The following KCNG3 variants were observed in gnomAD, a reference collection of about 807,000 sequenced individuals.
KCNG3 encodes the protein potassium voltage-gated channel modifier subfamily G member 3, also known as voltage-gated potassium channel regulatory subunit KCNG3.
KCNG3 carries 15 observed loss-of-function variants against 29.0 expected under a neutral mutation model. That is an observed-to-expected ratio of 0.52 (90% CI 0.35 to 0.80). The LOEUF is 0.80. Ranked by LOEUF, KCNG3 falls within the 30% of genes least tolerant of loss-of-function variation. KCNG3 has a pLI of 0.01. For synonymous variants in KCNG3, 322 were observed against 248.9 expected (o/e 1.29, Z -2.76); for missense variants, 512 against 605.7 (o/e 0.85, Z 1.62).
At chr2:42,486,390 G>A (rs1391145249) in intron 1 of KCNG3, among the ~76,000 whole-genome samples, 1 of 152,216 alleles carries the variant, frequency 6.6e-6, no homozygotes, top group East Asian at 1.9e-4. Flanking sequence ...CACATCTGCT[G>A]TTGACCCTCC....
chr2:42,458,453 G>C (rs547018600), intron 1 of KCNG3, among the ~76,000 whole-genome samples: 1 of 151,818 alleles, frequency 6.6e-6, no homozygotes, highest in African/African-American at 2.4e-5. Flanking sequence ...TTGGGAAACA[G>C]GGACTGATGA....
chr2:42,444,223 G>A lies in KCNG3; in HGVS notation c.1022C>T (p.Ser341Phe), dbSNP rs372497614. The A allele has an allele frequency of 1.4e-5, 22 of 1,614,024 alleles. No homozygotes were observed. In the Admixed American group the frequency reaches 2.0e-4, roughly 15 times the overall value. Residue 341 changes from serine to phenylalanine, a missense_variant, in exon 2 of 2, where the codon TCT (serine) becomes TTT (phenylalanine). Physicochemically the swap from Ser to Phe is radical, Grantham distance 155. This residue lies in a region of KCNG3 where 173 missense variants were observed against 262.4 expected (regional missense o/e 0.66). Coordinates refer to ENST00000306078, the MANE Select transcript of KCNG3 (RefSeq NM_133329.6). The surrounding 1 kb of genome is among the most constrained non-coding windows in gnomAD (Gnocchi z 5.8). ...CVAMAIFSAL[S>F]QLLEHGLDLE... The stretch of plus-strand genomic sequence containing the variant: ...GTCCAGCCCATGTTCAAGAAGCTGA[G>A]AAAGTGCACTAAAGATTGCCATGGC...
chr2:42,487,713 T>G (rs984741435), intron 1 of KCNG3, among the ~76,000 whole-genome samples: 1 of 152,178 alleles, frequency 6.6e-6, no homozygotes, highest in African/African-American at 2.4e-5. Context: ...GAATTATCTG[T>G]GAAAATTACA....
At chr2:42,439,125 T>A (rs1672424297), downstream of KCNG3, among the ~76,000 whole-genome samples, 1 of 152,178 alleles carries the variant, frequency 6.6e-6, no homozygotes, top group South Asian at 2.1e-4. Flanking sequence ...GTACAGTAAT[T>A]TTTAAAATTC....
At position 42,493,302 on chromosome 2, in the gene KCNG3, G is replaced by A. The variant is rs758781598; in HGVS notation, c.200C>T (p.Ser67Leu). ...GAGCAGGATGAAGCCGAAGGCCTCC[G>A]AGTGCCGGTCGAAGAAGTACTCGTT... ...ERNEYFFDRH[S>L]EAFGFILLYV... The change falls in exon 1 of 2, where the codon TCG (serine) becomes TTG (leucine). Residue 67 changes from serine (S) to leucine (L), a missense_variant. By Grantham distance (145) the Ser-to-Leu change is moderately radical. Transcript: ENST00000306078. The A allele has an allele frequency of 6.2e-7, 1 of 1,611,180 alleles. No individual in the cohort carries two copies. Among genetic ancestry groups the A allele is most frequent in the Non-Finnish European group, 8.5e-7 (1 of 1,179,246 alleles).
At chr2:42,436,279 A>G in the KCNG3 span, among the ~76,000 whole-genome samples, 1 of 152,190 alleles carries the variant, frequency 6.6e-6, no homozygotes, top group Non-Finnish European at 1.5e-5. Flanking sequence ...AGGGTACATG[A>G]AAATGTTCTG....
chr2:42,412,407 C>CTT, the KCNG3 span, among the ~76,000 whole-genome samples: 1 of 152,098 alleles, frequency 6.6e-6, no homozygotes, highest in African/African-American at 2.4e-5. Context: ...ATTCAAGGTT[C>CTT]TTTAGTGTGA....
rs1417019556 is a variant in KCNG3 at position 42,444,727 on chromosome 2, A to G, written c.666-148T>C. On this transcript the variant is annotated intron_variant, in intron 1 of 1. Transcript: ENST00000306078. This position sits in a 1 kb window ranked among gnomAD's most constrained non-coding sequence, Gnocchi z 5.8. ...AACAGACAACATTAGCAACATCATC[A>G]GACCACCAGGATGCACGCAACAGAA... The G allele has an allele frequency of 4.3e-6, 3 of 697,580 alleles. No individual in the cohort carries two copies. The East Asian group carries it at 8.1e-5, about 19-fold the overall frequency. 43.2% of individuals were successfully genotyped at this position (697,580 alleles called of 1,614,324 possible).
the KCNG3 span, among the ~76,000 whole-genome samples, chr2:42,414,501 T>C: frequency 1.3e-5 from 2 of 152,196 alleles, no homozygotes; most frequent in African/African-American, 4.8e-5. Flanking sequence ...GGATTCTCTT[T>C]ATTTCCAATA....
intron 1 of KCNG3, among the ~76,000 whole-genome samples, chr2:42,481,148 G>T (rs1209924320): frequency 6.6e-6 from 1 of 152,180 alleles, no homozygotes; most frequent in Non-Finnish European, 1.5e-5. Flanking sequence ...TCGTCTGCGG[G>T]TTATAGTCTG....
the KCNG3 span, among the ~76,000 whole-genome samples, chr2:42,412,521 T>C: frequency 5.9e-5 from 9 of 152,334 alleles, no homozygotes; most frequent in African/African-American, 2.2e-4. Context: ...CCCATTATGA[T>C]TGTAAATTTG....
downstream of KCNG3, among the ~76,000 whole-genome samples, chr2:42,437,743 GC>G (rs1446192354): frequency 6.6e-6 from 1 of 151,990 alleles, no homozygotes; most frequent in Non-Finnish European, 1.5e-5. Flanking sequence ...ATCGAGACCA[GC>G]CCGGCCAACA....
the KCNG3 span, among the ~76,000 whole-genome samples, chr2:42,434,041 T>A: frequency 1.3e-5 from 2 of 152,202 alleles, no homozygotes; most frequent in Non-Finnish European, 2.9e-5. Context: ...ATTAGAAGAC[T>A]TAATATGAAT....
At position 42,442,081 on chromosome 2, in the gene KCNG3, A is replaced by T. The variant is rs576102722; in HGVS notation, c.*1853T>A. 16 of 152,236 alleles carry T rather than the reference A, an allele frequency of 1.1e-4. No individual in the cohort carries two copies. Among genetic ancestry groups the T allele is most frequent in the African/African-American group, 3.6e-4 (15 of 41,548 alleles). 9.4% of individuals were successfully genotyped at this position (152,236 alleles called of 1,614,324 possible). The stretch of plus-strand genomic sequence containing the variant: ...TATCATCTGCACATTGTTTGCATGA[A>T]CCACAAAGCTTTAATCCAAATAGTT... On this transcript the variant is annotated 3_prime_UTR_variant, in exon 2 of 2. Transcript: ENST00000306078.
the KCNG3 span, among the ~76,000 whole-genome samples, chr2:42,393,711 T>A: frequency 1.3e-5 from 2 of 152,078 alleles, no homozygotes; most frequent in African/African-American, 2.4e-5. Flanking sequence ...AGTCATTGCA[T>A]CCAAATTGCA....
chr2:42,437,992 C>T (rs549057232), downstream of KCNG3, among the ~76,000 whole-genome samples: 2 of 146,902 alleles, frequency 1.4e-5, no homozygotes, highest in South Asian at 2.2e-4. Flanking sequence ...ACATAATAAA[C>T]GTTCCATTTT....
At chr2:42,428,185 C>A in the KCNG3 span, among the ~76,000 whole-genome samples, 9 of 151,014 alleles carry the variant, frequency 6.0e-5, no homozygotes, top group Non-Finnish European at 1.2e-4. Context: ...TTAGCCTGGG[C>A]ATGTTGGCTC....
At chr2:42,396,900 T>C in the KCNG3 span, among the ~76,000 whole-genome samples, 1 of 152,204 alleles carries the variant, frequency 6.6e-6, no homozygotes, top group South Asian at 2.1e-4. Context: ...AGAATGTTAG[T>C]TGTTTAGGGA....
At position 42,457,150 on chromosome 2, in the gene KCNG3, G is replaced by A. The variant is rs566938745; in HGVS notation, c.666-12571C>T. 6.6e-5 allele frequency among the ~76,000 whole-genome samples: 10 copies of A among 152,124 alleles called. No homozygotes were observed. In the South Asian group the frequency reaches 2.1e-3, roughly 32 times the overall value. ...CTCACAACTGTATGCAATAGGTTTT[G>A]TTATGATCCCCACCTACAAATGAGG... On this transcript the variant is annotated intron_variant, in intron 1 of 1. Coordinates refer to ENST00000306078, the MANE Select transcript of KCNG3 (RefSeq NM_133329.6).
Sources: gnomAD v4.1 joint callset for allele counts (sites outside exome capture counted in the v4.1 genomes callset) on GRCh38, gnomAD v4.1.1 for gene constraint, gnomAD v4.1.1 regional missense constraint, Gnocchi (gnomAD v3.1) non-coding constraint, MANE v1.5 for transcripts, NCBI Gene and HGNC (gene_info 2026-07-23, HGNC 2026-07-21) for gene names.